The following WDR43 variants were observed in gnomAD, a reference collection of about 807,000 sequenced individuals.
WDR43 encodes the protein WD repeat-containing protein 43.
Under a neutral mutation model 91.4 loss-of-function variants are expected in WDR43, and 13 were observed. That is an observed-to-expected ratio of 0.14 (90% CI 0.09 to 0.23). The LOEUF (loss-of-function observed/expected upper bound fraction) is 0.23, where lower values mean the gene tolerates loss of function less well. Ranked by LOEUF, WDR43 falls within the 10% of genes least tolerant of loss-of-function variation. The probability of loss-of-function intolerance (pLI) is 1.00; values close to 1 mark genes in which losing one functional copy is unlikely to be tolerated. For missense variants in WDR43, 780 were observed against 809.4 expected, an observed-to-expected ratio of 0.96 and a Z score of 0.44; for synonymous variants, 331 against 287.9, an observed-to-expected ratio of 1.15 and a Z score of -1.51.
chr2:28,943,241 G>A (rs568805343), intron 16 of WDR43, among the ~76,000 whole-genome samples: 3 of 151,178 alleles, frequency 2.0e-5, no homozygotes, highest in Non-Finnish European at 4.4e-5. Context: ...ACACTCAAGC[G>A]ATCATCCTGC....
chr2:28,914,151 G>A lies in WDR43; in HGVS notation c.689G>A (p.Gly230Glu), dbSNP rs1433257181. 6.2e-7 allele frequency: 1 copy of A among 1,613,782 alleles called. No individual in the cohort carries two copies. The highest frequency in any genetic ancestry group is 2.2e-5 in the East Asian group (1 of 44,884). The part of the protein sequence containing the change: ...RPPNESQPFD[G>E]ITGLYFLSGA... ...CCTAATGAGAGCCAGCCCTTTGATG[G>A]AATTACAGGTCTTTATTTCTTATCT... The change falls in exon 5 of 18, where the codon GGA becomes GAA. Residue 230 changes from glycine (G) to glutamate (E), a missense_variant. Transcript: ENST00000407426.
intron 14 of WDR43, 140 bp downstream of exon 14, chr2:28,938,134 G>T: frequency 1.1e-6 from 1 of 885,572 alleles, no homozygotes; most frequent in African/African-American, 1.7e-5. Context: ...TAGAGATTTT[G>T]TTTTACCCCG....
At chr2:28,930,040 TTA>T (rs1671212149) in intron 11 of WDR43, 1 of 487,258 alleles carries the variant, frequency 2.1e-6, no homozygotes, top group African/African-American at 2.0e-5. Context: ...AGATCACAAT[TTA>T]TATTTTTTTC....
chr2:28,936,611 C>T (rs1177972892), intron 12 of WDR43, among the ~76,000 whole-genome samples: 1 of 152,058 alleles, frequency 6.6e-6, no homozygotes, highest in Non-Finnish European at 1.5e-5. Context: ...GTTGTCACCC[C>T]AAAAAGAAAT....
At chr2:28,900,605 T>G (rs1360212639) in intron 1 of WDR43, among the ~76,000 whole-genome samples, 1 of 152,158 alleles carries the variant, frequency 6.6e-6, no homozygotes, top group African/African-American at 2.4e-5. Flanking sequence ...CAGAAATTAT[T>G]TTTGCCCCTG....
At chr2:28,913,341 C>T (rs927773979) in intron 4 of WDR43, among the ~76,000 whole-genome samples, 1 of 151,664 alleles carries the variant, frequency 6.6e-6, no homozygotes, top group Admixed American at 6.6e-5. Context: ...AAAAACAAAA[C>T]AGATTTTGAC....
At position 28,922,948 on chromosome 2, in the gene WDR43, T is replaced by C. The variant is rs760707747; in HGVS notation, c.879T>C (p.Asp293=). 6.2e-7 allele frequency: 1 copy of C among 1,612,738 alleles called. No individual in the cohort carries two copies. The highest frequency in any genetic ancestry group is 1.7e-5 in the Admixed American group (1 of 59,716). The change falls in exon 7 of 18, where the codon GAT becomes GAC. Residue 293 remains aspartate, a synonymous_variant. Coordinates refer to ENST00000407426, the MANE Select transcript of WDR43 (RefSeq NM_015131.3). ...TCAAGTTGGCTGTTGTTTGCAGAGA[T>C]GGTCAAGTCCATCTTTTTGAACACA... ...EPVKLAVVCR[D]GQVHLFEHIL... is the part of the protein sequence containing the mutation.
At chr2:28,940,252 G>A (rs1389057310) in intron 14 of WDR43, among the ~76,000 whole-genome samples, 4 of 151,416 alleles carry the variant, frequency 2.6e-5, no homozygotes, top group South Asian at 2.1e-4. Context: ...TTCTTGAGAC[G>A]GAGTTTTGCT....
chr2:28,916,245 G>T (rs1182282801), intron 5 of WDR43, among the ~76,000 whole-genome samples: 36 of 152,140 alleles, frequency 2.4e-4, no homozygotes, highest in Admixed American at 2.2e-3. Context: ...ATATGGACAT[G>T]TGATTTCATT....
chr2:28,946,297 A>T (rs918756826), intron 16 of WDR43, among the ~76,000 whole-genome samples, 153 bp from the exon 17 acceptor site: 14 of 152,192 alleles, frequency 9.2e-5, no homozygotes, highest in Non-Finnish European at 1.5e-4. Context: ...CAAAAAAAAA[A>T]AATAATAAAA....
intron 16 of WDR43, among the ~76,000 whole-genome samples, chr2:28,944,601 G>C (rs1671507875): frequency 6.6e-6 from 1 of 152,192 alleles, no homozygotes; most frequent in Non-Finnish European, 1.5e-5. Context: ...TATTCCTTTA[G>C]CATAACACTA....
chr2:28,898,738 A>G (rs1670527263), intron 1 of WDR43, among the ~76,000 whole-genome samples: 1 of 152,156 alleles, frequency 6.6e-6, no homozygotes, highest in Non-Finnish European at 1.5e-5. Context: ...GAGTACTACT[A>G]GCCGTGGGAA....
intron 2 of WDR43, among the ~76,000 whole-genome samples, chr2:28,902,578 T>C (rs1324134374): frequency 6.6e-6 from 1 of 152,226 alleles, no homozygotes; most frequent in Non-Finnish European, 1.5e-5. Context: ...TGCCTGGTGC[T>C]AGTGTCTCTG....
intron 11 of WDR43, among the ~76,000 whole-genome samples, chr2:28,930,337 T>A (rs1306410524): frequency 2.0e-5 from 3 of 152,214 alleles, no homozygotes; most frequent in Non-Finnish European, 2.9e-5. Flanking sequence ...CTATCTAGAA[T>A]ATTTAAGTGA....
chr2:28,921,763 G>A (rs1202247326), intron 6 of WDR43, among the ~76,000 whole-genome samples: 1 of 152,124 alleles, frequency 6.6e-6, no homozygotes, highest in African/African-American at 2.4e-5. Context: ...CCAGGCTGGA[G>A]TGCAGTGGTG....
At chr2:28,919,732 C>G (rs1041143888) in intron 6 of WDR43, among the ~76,000 whole-genome samples, 3 of 152,124 alleles carry the variant, frequency 2.0e-5, no homozygotes, top group Admixed American at 2.0e-4. Context: ...GTTGGACATG[C>G]TTGTGTACAT....
intron 1 of WDR43, among the ~76,000 whole-genome samples, chr2:28,896,937 A>G (rs570713968): frequency 3.3e-4 from 51 of 152,326 alleles, no homozygotes; most frequent in African/African-American, 1.2e-3. Context: ...CCACATGACT[A>G]TGGAATCCCC....
chr2:28,935,344 G>T (rs186954746), intron 11 of WDR43, among the ~76,000 whole-genome samples, 177 bp from the exon 12 acceptor site: 1 of 152,000 alleles, frequency 6.6e-6, no homozygotes, highest in South Asian at 2.1e-4. Context: ...AGCACAAGAC[G>T]TAATATAACA....
chr2:28,920,392 A>T lies in WDR43; in HGVS notation c.849+2397A>T, dbSNP rs183943469. On this transcript the variant is annotated intron_variant, in intron 6 of 17. Coordinates refer to ENST00000407426, the MANE Select transcript of WDR43 (RefSeq NM_015131.3). ...AGGTGCATATCACCACGCCTGGCTA[A>T]TTTTTGTGTTTTTCTAGTAGAGATG... 6.1e-3 allele frequency among the ~76,000 whole-genome samples: 923 copies of T among 151,092 alleles called. 10 individuals are homozygous for T. The highest frequency in any genetic ancestry group is 0.021 in the African/African-American group (860 of 41,126).
Sources: allele counts gnomAD v4.1 joint callset (sites outside exome capture counted in the v4.1 genomes callset), GRCh38; gene constraint gnomAD v4.1.1; transcripts MANE v1.5; gene names NCBI Gene and HGNC (gene_info 2026-07-23, HGNC 2026-07-21).